The following PPP1CB variants were observed in gnomAD, a reference collection of about 807,000 sequenced individuals.
PPP1CB encodes protein phosphatase 1 catalytic subunit beta.
A neutral mutation model predicts 43.7 loss-of-function variants in PPP1CB; 2 were observed. The observed-to-expected ratio is 0.05, with a 90% CI of 0.02 to 0.14. PPP1CB has a LOEUF of 0.14. Among genes scored for constraint, PPP1CB ranks in the 10% least tolerant of loss-of-function variants. PPP1CB has a pLI of 1.00. For synonymous variants in PPP1CB, 136 were observed against 135.6 expected (o/e 1.00, Z -0.02); for missense variants, 84 against 398.0 (o/e 0.21, Z 6.71).
intron 1 of PPP1CB, among the ~76,000 whole-genome samples, chr2:28,770,912 C>T (rs1666894084): frequency 6.6e-6 from 1 of 152,072 alleles, no homozygotes; most frequent in African/African-American, 2.4e-5. Context: ...ACGTGAAAGA[C>T]TGCCATACTA....
intron 1 of PPP1CB, among the ~76,000 whole-genome samples, chr2:28,754,342 GGGC>G (rs1666429098): frequency 1.1e-5 from 1 of 90,626 alleles, no homozygotes; most frequent in Non-Finnish European, 2.3e-5. Flanking sequence ...TTTTTTGGGG[GGGC>G]GGGGGGGGGG....
chr2:28,764,411 G>A (rs369842940), intron 1 of PPP1CB, among the ~76,000 whole-genome samples: 65 of 149,508 alleles, frequency 4.3e-4, no homozygotes, highest in African/African-American at 1.5e-3. Context: ...AGTGAGCTGA[G>A]ATTGTGCCAC....
intron 3 of PPP1CB, among the ~76,000 whole-genome samples, chr2:28,780,036 G>A (rs774116752): frequency 1.3e-5 from 2 of 151,050 alleles, no homozygotes; most frequent in Admixed American, 1.3e-4. Flanking sequence ...GGCTTCCAAT[G>A]CTTAATGAAA....
chr2:28,797,091 A>G (rs1380150348), intron 7 of PPP1CB, among the ~76,000 whole-genome samples: 3 of 152,114 alleles, frequency 2.0e-5, no homozygotes, highest in African/African-American at 7.2e-5. Flanking sequence ...TGATTTGCAT[A>G]TGTTGAAACC....
Position 28,802,168 on chromosome 2 carries a change from G to A in PPP1CB, c.*2865G>A, listed in dbSNP as rs932270011. ...CTTTTCAAAAAAATTTTTATTCAAGGCAAAGCAAGGAACATCTTGAGATAT... is the reference window on the plus strand; with the variant it reads ...CTTTTCAAAAAAATTTTTATTCAAGACAAAGCAAGGAACATCTTGAGATAT... On this transcript the variant is annotated 3_prime_UTR_variant, in exon 8 of 8. Transcript: ENST00000395366. The A allele has an allele frequency of 7.2e-5, 11 of 152,062 alleles. No individual in the cohort carries two copies. Among genetic ancestry groups the A allele is most frequent in the Admixed American group, 6.6e-4 (10 of 15,260 alleles). 9.4% of individuals were successfully genotyped at this position (152,062 alleles called of 1,614,324 possible). A position where few individuals can be genotyped will look rare whatever the true frequency, so the allele number is the denominator to read the frequency against.
rs182468105 is a variant in PPP1CB at position 28,802,268 on chromosome 2, T to C, written c.*2965T>C. 3.3e-5 allele frequency: 5 copies of C among 152,336 alleles called. No individual in the cohort carries two copies. Among genetic ancestry groups the C allele is most frequent in the African/African-American group, 9.6e-5 (4 of 41,580 alleles). 9.4% of individuals were successfully genotyped at this position (152,336 alleles called of 1,614,324 possible). ...ATCTCAGTTTATAAATTCAGGTATA[T>C]TCTTTTTGTCTCCATGGCAACCATA... is the stretch of plus-strand genomic sequence containing the variant. On this transcript the variant is annotated 3_prime_UTR_variant, in exon 8 of 8. Coordinates refer to ENST00000395366, the MANE Select transcript of PPP1CB (RefSeq NM_002709.3).
intron 5 of PPP1CB, among the ~76,000 whole-genome samples, chr2:28,785,403 CTTG>C (rs1667245810): frequency 1.3e-5 from 2 of 151,776 alleles, no homozygotes; most frequent in Admixed American, 6.6e-5. Context: ...CATAACACGA[CTTG>C]TTGTGTTGAT....
In PPP1CB at chr2:28,800,863, C is replaced by T. The variant is rs1236348120; in HGVS notation, c.*1560C>T. ...CTTTGAAAATGTTAAATTGAGAAAC[C>T]TGTTAACTTACATTTTATGAATTGG... is the stretch of plus-strand genomic sequence containing the variant. On this transcript the variant is annotated 3_prime_UTR_variant, in exon 8 of 8. Coordinates refer to ENST00000395366, the MANE Select transcript of PPP1CB (RefSeq NM_002709.3). The T allele has an allele frequency of 6.6e-6, 1 of 152,458 alleles. No homozygotes were observed. Among genetic ancestry groups the T allele is most frequent in the Non-Finnish European group, 1.5e-5 (1 of 67,940 alleles). 9.4% of individuals were successfully genotyped at this position (152,458 alleles called of 1,614,324 possible).
chr2:28,792,716 C>T (rs569354240), intron 6 of PPP1CB, among the ~76,000 whole-genome samples: 2 of 152,218 alleles, frequency 1.3e-5, no homozygotes, highest in Non-Finnish European at 2.9e-5. Flanking sequence ...TAAATGCCTT[C>T]GTAATTGCTT....
At chr2:28,794,391 A>C (rs962885186) in intron 7 of PPP1CB, among the ~76,000 whole-genome samples, 3 of 152,168 alleles carry the variant, frequency 2.0e-5, no homozygotes, top group Admixed American at 2.0e-4. Flanking sequence ...AGATGAAAAT[A>C]AAGTAAAATA....
rs72852875 is a variant in PPP1CB at position 28,752,875 on chromosome 2, A to G, written c.52+699A>G. Among the ~76,000 whole-genome samples the G allele has an allele frequency of 3.0e-3, 456 of 152,342 alleles. 3 individuals carry two copies. The highest frequency in any genetic ancestry group is 0.01 in the African/African-American group (430 of 41,574). On this transcript the variant is annotated intron_variant, in intron 1 of 7. Transcript: ENST00000395366. ...GTTTGCTGAAGGGATTGGCTTTTGC[A>G]TTTGATTTGAGCAGAGCTTAATTTC...
rs1187808759 is a variant in PPP1CB, at chr2:28,751,918, A to G, written c.-207A>G. On this transcript the variant is annotated 5_prime_UTR_variant, in exon 1 of 8. Coordinates refer to ENST00000395366, the MANE Select transcript of PPP1CB (RefSeq NM_002709.3). ...GGGGGCCTCTCTTGTTTATTTATTT[A>G]TTTTCCGTGGGTGCCTCCGAGTGTG... 3.8e-5 allele frequency: 23 copies of G among 598,776 alleles called. No homozygotes were observed. Among genetic ancestry groups the G allele is most frequent in the South Asian group, 3.5e-4 (20 of 56,782 alleles). The allele number at this position is 598,776 out of a possible 1,614,324, so 37.1% of individuals were successfully genotyped here.
intron 1 of PPP1CB, among the ~76,000 whole-genome samples, chr2:28,768,298 A>G (rs1666827156): frequency 6.6e-6 from 1 of 152,148 alleles, no homozygotes; most frequent in African/African-American, 2.4e-5. Context: ...CACTGGGCTA[A>G]GGAAGAAAGG....
intron 3 of PPP1CB, 76 bp from the exon 4 acceptor site, chr2:28,781,662 A>G (rs1352137666): frequency 1.0e-6 from 1 of 1,000,140 alleles, no homozygotes; most frequent in East Asian, 2.5e-5. Flanking sequence ...GAAATCATTC[A>G]TAATCCTGCG....
chr2:28,764,216 T>A (rs186315892), intron 1 of PPP1CB, among the ~76,000 whole-genome samples: 88 of 151,936 alleles, frequency 5.8e-4, no homozygotes, highest in African/African-American at 2.1e-3. Context: ...ATCCCAGCAC[T>A]TTGGGAGGCC....
chr2:28,770,841 C>T lies in PPP1CB; in HGVS notation c.53-6010C>T, dbSNP rs889378702. ...TACCATATGCTATACCATAAAGCAC[C>T]CCTCAGTACATTTGAAAGAAATGAC... On this transcript the variant is annotated intron_variant, in intron 1 of 7. Coordinates refer to ENST00000395366, the MANE Select transcript of PPP1CB (RefSeq NM_002709.3). 5.9e-5 allele frequency among the ~76,000 whole-genome samples: 9 copies of T among 151,982 alleles called. No individual in the cohort carries two copies. In the South Asian group the frequency reaches 8.3e-4, roughly 14 times the overall value.
chr2:28,797,439 T>C (rs569384873), intron 7 of PPP1CB, among the ~76,000 whole-genome samples: 60 of 152,100 alleles, frequency 3.9e-4, no homozygotes, highest in Admixed American at 9.8e-4. Flanking sequence ...CTGATTCAGT[T>C]TTGGAACTTG....
In PPP1CB at chr2:28,800,003, A is replaced by G. The variant is rs967471186; in HGVS notation, c.*700A>G. 1 of 152,480 alleles carries G rather than the reference A, an allele frequency of 6.6e-6. No homozygotes were observed. The highest frequency in any genetic ancestry group is 2.4e-5 in the African/African-American group (1 of 41,438). The allele number at this position is 152,480 out of a possible 1,614,324, so 9.4% of individuals were successfully genotyped here. A position where few individuals can be genotyped will look rare whatever the true frequency, so the allele number is the denominator to read the frequency against. On this transcript the variant is annotated 3_prime_UTR_variant, in exon 8 of 8. Transcript: ENST00000395366. ...AATATTTTGCTTTATACAGGAATTG[A>G]CACTGATTTGGATTTGTGCACTCTA...
intron 7 of PPP1CB, among the ~76,000 whole-genome samples, chr2:28,794,924 A>C (rs1667467769): frequency 6.6e-6 from 1 of 152,016 alleles, no homozygotes; most frequent in South Asian, 2.1e-4. Flanking sequence ...CATATTGCTG[A>C]GGTTTGGTGT....
Sources: gnomAD v4.1 joint callset for allele counts (sites outside exome capture counted in the v4.1 genomes callset) on GRCh38, gnomAD v4.1.1 for gene constraint, MANE v1.5 for transcripts, NCBI Gene and HGNC (gene_info 2026-07-23, HGNC 2026-07-21) for gene names.